SMO: variants seen among roughly 807,000 people sequenced by gnomAD.
SMO encodes smoothened, frizzled class receptor.
A neutral mutation model predicts 81.6 loss-of-function variants in SMO; 40 were observed. The observed-to-expected ratio is 0.49, with a 90% CI of 0.38 to 0.64. The LOEUF (loss-of-function observed/expected upper bound fraction) is 0.64. Among genes scored for constraint, SMO ranks in the 30% least tolerant of loss-of-function variants. The pLI is 0.00. For synonymous variants in SMO, 434 were observed against 432.1 expected (o/e 1.00, Z -0.05); for missense variants, 916 against 1,061.1 (o/e 0.86, Z 1.90).
chr7:129,198,465 A>G (rs1166312690), intron 1 of SMO, among the ~76,000 whole-genome samples: 1 of 152,172 alleles, frequency 6.6e-6, no homozygotes, highest in East Asian at 1.9e-4. Context: ...AACCAGTACC[A>G]TGCTCTATAG....
chr7:129,199,399 G>C (rs575333948), intron 1 of SMO, among the ~76,000 whole-genome samples: 2 of 152,090 alleles, frequency 1.3e-5, no homozygotes, highest in African/African-American at 4.8e-5. Flanking sequence ...CCAGGCTTGT[G>C]TAGAACTCCT....
intron 1 of SMO, among the ~76,000 whole-genome samples, chr7:129,195,255 T>C (rs765578358): frequency 5.3e-5 from 8 of 152,232 alleles, no homozygotes; most frequent in Non-Finnish European, 1.2e-4. Context: ...ACTTTAGGCT[T>C]TTGCCAAACC....
chr7:129,197,432 T>C (rs886927245), intron 1 of SMO, among the ~76,000 whole-genome samples: 3 of 152,278 alleles, frequency 2.0e-5, no homozygotes, highest in Middle Eastern at 3.4e-3. Context: ...TTGAATTTTA[T>C]CAACTTTTTT....
In SMO at chr7:129,203,563, C is replaced by T. The variant is rs751021028; in HGVS notation, c.511C>T (p.Pro171Ser). ...RGWPDFLRCT[P>S]DRFPEGCTNE... ...CTGGCCTGACTTCCTGCGCTGCACT[C>T]CTGACCGCTTCCCTGAAGGCTGCAC... The change falls in exon 2 of 12, where the codon CCT (proline) becomes TCT (serine). Residue 171 changes from proline (P) to serine (S), a missense_variant. Coordinates refer to ENST00000249373, the MANE Select transcript of SMO (RefSeq NM_005631.5). 6.2e-7 allele frequency: 1 copy of T among 1,602,802 alleles called. No homozygotes were observed. The highest frequency in any genetic ancestry group is 8.5e-7 in the Non-Finnish European group (1 of 1,179,638).
intron 1 of SMO, among the ~76,000 whole-genome samples, chr7:129,199,778 C>T (rs991961524): frequency 2.0e-5 from 3 of 152,064 alleles, no homozygotes; most frequent in African/African-American, 7.2e-5. Context: ...GATGTTCGAC[C>T]TCACTCTTAA....
In SMO at chr7:129,206,032, C is replaced by T; in HGVS notation, c.921-118C>T. The T allele has an allele frequency of 1.1e-6, 1 of 923,018 alleles. No individual in the cohort carries two copies. The highest frequency in any genetic ancestry group is 2.4e-5 in the East Asian group (1 of 41,388). The allele number at this position is 923,018 out of a possible 1,614,324, so 57.2% of individuals were successfully genotyped here. A position where few individuals can be genotyped will look rare whatever the true frequency, so the allele number is the denominator to read the frequency against. ...ATCTGACCTGGGTCCTGTCTCCAAG[C>T]CCTGACTTCTGGGAACCTCCAGACC... On this transcript the variant is annotated intron_variant, in intron 4 of 11. Coordinates refer to ENST00000249373, the MANE Select transcript of SMO (RefSeq NM_005631.5). This position sits in a 1 kb window ranked among gnomAD's most constrained non-coding sequence, Gnocchi z 4.4.
chr7:129,211,939 C>A lies in SMO; in HGVS notation c.1937-85C>A. 6.9e-7 allele frequency: 1 copy of A among 1,442,060 alleles called. No homozygotes were observed. The highest frequency in any genetic ancestry group is 9.3e-7 in the Non-Finnish European group (1 of 1,073,552). The allele number at this position is 1,442,060 out of a possible 1,614,324, so 89.3% of individuals were successfully genotyped here. ...GAGTCTAGAGACCTGGGCCCCAGAA[C>A]TAACAGGTTAAGTGCTCCCAGGGGA... On this transcript the variant is annotated intron_variant, in intron 11 of 11. Coordinates refer to ENST00000249373, the MANE Select transcript of SMO (RefSeq NM_005631.5). The surrounding 1 kb of genome is among the most constrained non-coding windows in gnomAD (Gnocchi z 4.6).
At chr7:129,202,157 G>A (rs1370508969) in intron 1 of SMO, among the ~76,000 whole-genome samples, 2 of 152,192 alleles carry the variant, frequency 1.3e-5, no homozygotes, top group African/African-American at 4.8e-5. Context: ...GACAGGTACT[G>A]TGCCAAGGGC....
rs922746172 is a variant in SMO, at chr7:129,208,463, G to A, written c.1265-296G>A. Among the ~76,000 whole-genome samples, 2 of 151,880 alleles carry A rather than the reference G, an allele frequency of 1.3e-5. No individual in the cohort carries two copies. The highest frequency in any genetic ancestry group is 6.6e-5 in the Admixed American group (1 of 15,212). ...TCCATCTCAAAAAAAAAATTATATG[G>A]ATAGCGCTGTTCTTGAGTCTGTTTT... On this transcript the variant is annotated intron_variant, in intron 6 of 11. Coordinates refer to ENST00000249373, the MANE Select transcript of SMO (RefSeq NM_005631.5). The surrounding 1 kb of genome is among the most constrained non-coding windows in gnomAD (Gnocchi z 5.2).
At position 129,208,893 on chromosome 7, in the gene SMO, C is replaced by A. The variant is rs1307601130; in HGVS notation, c.1357+42C>A. 1 of 1,343,830 alleles carries A rather than the reference C, an allele frequency of 7.4e-7. No homozygotes were observed. The highest frequency in any genetic ancestry group is 1.1e-6 in the Non-Finnish European group (1 of 939,212). The allele number at this position is 1,343,830 out of a possible 1,614,324, so 83.2% of individuals were successfully genotyped here. ...GACTTCGGTCTGAGGTCCTGGCCAG[C>A]CCAACACTGCACCCTCCTGGGGCTA... On this transcript the variant is annotated intron_variant, in intron 7 of 11. Coordinates refer to ENST00000249373, the MANE Select transcript of SMO (RefSeq NM_005631.5). The surrounding 1 kb of genome is among the most constrained non-coding windows in gnomAD (Gnocchi z 5.2).
chr7:129,198,335 C>CA (rs1472925340), intron 1 of SMO, among the ~76,000 whole-genome samples: 1 of 152,212 alleles, frequency 6.6e-6, no homozygotes, highest in Non-Finnish European at 1.5e-5. Context: ...CCTACTTCTG[C>CA]ATCTAGCTAC....
At position 129,210,395 on chromosome 7, in the gene SMO, C is replaced by T; in HGVS notation, c.1499C>T (p.Thr500Ile). The change falls in exon 9 of 12, where the codon ACC (threonine) becomes ATC (isoleucine). Residue 500 changes from threonine (T) to isoleucine (I), a missense_variant. Physicochemically the swap from Thr to Ile is moderately conservative, Grantham distance 89. Around this residue, in one of 4 missense-constraint regions of SMO, gnomAD observed 436 missense variants for 570.9 expected, o/e 0.76. Transcript: ENST00000249373. The surrounding 1 kb of genome is among the most constrained non-coding windows in gnomAD (Gnocchi z 4.7). Reference sequence around the variant, plus strand: ...GCCAATGTGACCATCGGGCTGCCCACCAAGCAGCCCATCCCTGACTGTGAG... The same window carrying T: ...GCCAATGTGACCATCGGGCTGCCCATCAAGCAGCCCATCCCTGACTGTGAG... ...CQANVTIGLP[T>I]KQPIPDCEIK... is the part of the protein sequence containing the mutation. 6.2e-7 allele frequency: 1 copy of T among 1,613,972 alleles called. No homozygotes were observed. The highest frequency in any genetic ancestry group is 8.5e-7 in the Non-Finnish European group (1 of 1,179,802).
chr7:129,197,775 C>G (rs555026976), intron 1 of SMO, among the ~76,000 whole-genome samples: 18 of 152,104 alleles, frequency 1.2e-4, no homozygotes, highest in Admixed American at 4.6e-4. Context: ...ATTTTTTTCT[C>G]CTTTAACCTG....
rs376959454 is a variant in SMO at position 129,206,074 on chromosome 7, TG to T, written c.921-73del. ...CTCCAGACCTCAGCAGCTGAGGGTC[TG>T]GGCACAGGGTGGGGAGACCAGGTAG... is the stretch of plus-strand genomic sequence containing the variant. On this transcript the variant is annotated intron_variant, in intron 4 of 11. Coordinates refer to ENST00000249373, the MANE Select transcript of SMO (RefSeq NM_005631.5). The surrounding 1 kb of genome is among the most constrained non-coding windows in gnomAD (Gnocchi z 4.4). The T allele has an allele frequency of 1.2e-4, 144 of 1,242,464 alleles. 1 individual carries two copies. In the African/African-American group the frequency reaches 1.7e-3, roughly 15 times the overall value. 77.0% of individuals were successfully genotyped at this position (1,242,464 alleles called of 1,614,324 possible).
intron 6 of SMO, among the ~76,000 whole-genome samples, chr7:129,207,342 G>A (rs1362477174): frequency 6.6e-6 from 1 of 152,124 alleles, no homozygotes; most frequent in Non-Finnish European, 1.5e-5. Flanking sequence ...TCTGTCCCCG[G>A]CACACACAGC....
chr7:129,210,659 C>T lies in SMO; in HGVS notation c.1652+111C>T. 1 of 904,802 alleles carries T rather than the reference C, an allele frequency of 1.1e-6. No individual in the cohort carries two copies. Among genetic ancestry groups the T allele is most frequent in the Admixed American group, 2.3e-5 (1 of 42,724 alleles). 56.0% of individuals were successfully genotyped at this position (904,802 alleles called of 1,614,324 possible). ...TCTAGCACAGCCTTGGTCAGTGGTT[C>T]ACCGCTGCCCCCTGGTGGCACCTTC... is the stretch of plus-strand genomic sequence containing the variant. On this transcript the variant is annotated intron_variant, in intron 9 of 11. Transcript: ENST00000249373. The surrounding 1 kb of genome is among the most constrained non-coding windows in gnomAD (Gnocchi z 4.7).
At chr7:129,198,627 T>C (rs1345649412) in intron 1 of SMO, among the ~76,000 whole-genome samples, 1 of 152,252 alleles carries the variant, frequency 6.6e-6, no homozygotes, top group Non-Finnish European at 1.5e-5. Flanking sequence ...TACCACATTT[T>C]TACTGTAGCC....
rs988229298 is a variant in SMO, at chr7:129,203,833, G to T, written c.537+244G>T. Reference sequence around the variant, plus strand: ...CAAAATGTTTTGAGCACTGGCTGTTGGGTGTTGTGGTGTTACGGGCATCAC... The same window carrying T: ...CAAAATGTTTTGAGCACTGGCTGTTTGGTGTTGTGGTGTTACGGGCATCAC... On this transcript the variant is annotated intron_variant, in intron 2 of 11. Transcript: ENST00000249373. 2.0e-4 allele frequency among the ~76,000 whole-genome samples: 31 copies of T among 152,124 alleles called. 1 individual carries two copies. The highest frequency in any genetic ancestry group is 2.9e-5 in the Non-Finnish European group (2 of 68,018).
At position 129,189,030 on chromosome 7, in the gene SMO, A is replaced by C. The variant is rs1391444243; in HGVS notation, c.-122A>C. On this transcript the variant is annotated 5_prime_UTR_variant, in exon 1 of 12. Transcript: ENST00000249373. The surrounding 1 kb of genome is among the most constrained non-coding windows in gnomAD (Gnocchi z 4.7). ...AGCGTCCGGGGGGGCCCGGGCCCGGATTCTCTGGGCGCACAGGTCGCCTGA... is the reference window on the plus strand; with the variant it reads ...AGCGTCCGGGGGGGCCCGGGCCCGGCTTCTCTGGGCGCACAGGTCGCCTGA... 1 of 882,324 alleles carries C rather than the reference A, an allele frequency of 1.1e-6. No individual in the cohort carries two copies. Among genetic ancestry groups the C allele is most frequent in the African/African-American group, 1.7e-5 (1 of 57,222 alleles). 54.7% of individuals were successfully genotyped at this position (882,324 alleles called of 1,614,324 possible).
Sources: gnomAD v4.1 joint callset for allele counts (sites outside exome capture counted in the v4.1 genomes callset) on GRCh38, gnomAD v4.1.1 for gene constraint, gnomAD v4.1.1 regional missense constraint, Gnocchi (gnomAD v3.1) non-coding constraint, MANE v1.5 for transcripts, NCBI Gene and HGNC (gene_info 2026-07-23, HGNC 2026-07-21) for gene names.